Variants in MYO1B observed in about 807,000 individuals in gnomAD.
MYO1B encodes myosin IB, also known as unconventional myosin-Ib.
Under a neutral mutation model 159.7 loss-of-function variants are expected in MYO1B, and 72 were observed. That is an observed-to-expected ratio of 0.45 (90% CI 0.37 to 0.55). MYO1B has a LOEUF of 0.55. Ranked by LOEUF, MYO1B falls within the 20% of genes least tolerant of loss-of-function variation. The pLI, the probability that MYO1B is intolerant of heterozygous loss-of-function variation, is 0.00. For missense variants in MYO1B, 1,062 were observed against 1,364.8 expected (o/e 0.78, Z 3.50); for synonymous variants, 468 against 473.8 (o/e 0.99, Z 0.16).
chr2:191,373,411 G>T (rs1694500302), intron 13 of MYO1B, among the ~76,000 whole-genome samples: 1 of 152,170 alleles, frequency 6.6e-6, no homozygotes, highest in Non-Finnish European at 1.5e-5. Flanking sequence ...GGAGTAAACT[G>T]CAGATTCCAA....
At chr2:191,345,199 G>C (rs1444366241) in intron 5 of MYO1B, among the ~76,000 whole-genome samples, 4 of 152,128 alleles carry the variant, frequency 2.6e-5, no homozygotes, top group African/African-American at 4.8e-5. Flanking sequence ...TGGTAGAAAC[G>C]GAGGATCTCA....
At chr2:191,332,291 C>T (rs1374921388) in intron 4 of MYO1B, among the ~76,000 whole-genome samples, 1 of 151,938 alleles carries the variant, frequency 6.6e-6, no homozygotes, top group East Asian at 1.9e-4. Context: ...GGACTCTGAG[C>T]TTCTATTAAT....
chr2:191,313,804 C>G (rs1690179292), intron 3 of MYO1B, among the ~76,000 whole-genome samples: 1 of 152,138 alleles, frequency 6.6e-6, no homozygotes, highest in African/African-American at 2.4e-5. Context: ...CAGATGTGAT[C>G]CACTGTGCCA....
intron 30 of MYO1B, among the ~76,000 whole-genome samples, chr2:191,421,315 C>T (rs1305297963): frequency 1.3e-5 from 2 of 152,026 alleles, no homozygotes; most frequent in Non-Finnish European, 2.9e-5. Context: ...GGTGATCCGA[C>T]CACCTCAGCT....
chr2:191,321,594 C>A (rs1690716868), intron 3 of MYO1B, among the ~76,000 whole-genome samples: 1 of 152,040 alleles, frequency 6.6e-6, no homozygotes, highest in South Asian at 2.1e-4. Flanking sequence ...TTCTTTTCTC[C>A]AAATCAATGT....
chr2:191,247,749 G>T (rs568093781), intron 1 of MYO1B, among the ~76,000 whole-genome samples: 1 of 152,342 alleles, frequency 6.6e-6, no homozygotes, highest in Admixed American at 6.5e-5. Flanking sequence ...TTAACAAAAT[G>T]TAAAGCATCT....
chr2:191,263,971 G>T (rs1267384234), intron 1 of MYO1B, among the ~76,000 whole-genome samples: 2 of 152,136 alleles, frequency 1.3e-5, no homozygotes, highest in South Asian at 4.1e-4. Flanking sequence ...TTTGTTTGTA[G>T]TGTCTTTTGT....
At chr2:191,302,994 A>G (rs1273205315) in intron 3 of MYO1B, among the ~76,000 whole-genome samples, 1 of 152,158 alleles carries the variant, frequency 6.6e-6, no homozygotes, top group East Asian at 1.9e-4. Context: ...TGATGTTGCT[A>G]TAATGCTTGT....
chr2:191,360,147 T>C (rs920238236), intron 7 of MYO1B, among the ~76,000 whole-genome samples: 4 of 152,208 alleles, frequency 2.6e-5, no homozygotes, highest in Non-Finnish European at 5.9e-5. Flanking sequence ...GGACTATCAG[T>C]GTTTTCAACT....
intron 7 of MYO1B, among the ~76,000 whole-genome samples, chr2:191,351,381 G>C (rs914684647): frequency 6.6e-6 from 1 of 152,036 alleles, no homozygotes; most frequent in African/African-American, 2.4e-5. Flanking sequence ...ATGCCACTGA[G>C]ATCTTCCTGA....
At position 191,296,648 on chromosome 2, in the gene MYO1B, T is replaced by C. The variant is rs1157026592; in HGVS notation, c.251+422T>C. Among the ~76,000 whole-genome samples the C allele has an allele frequency of 2.6e-5, 4 of 152,190 alleles. No homozygotes were observed. The South Asian group carries it at 6.2e-4, about 24-fold the overall frequency. On this transcript the variant is annotated intron_variant, in intron 3 of 30. Coordinates refer to ENST00000392318, the MANE Select transcript of MYO1B (RefSeq NM_001130158.3). Reference sequence around the variant, plus strand: ...AAAAGGACCAAACAATACCTTCAGTTTGTAATTTTTGCAGACAATGTTCAC... The same window carrying C: ...AAAAGGACCAAACAATACCTTCAGTCTGTAATTTTTGCAGACAATGTTCAC...
intron 26 of MYO1B, among the ~76,000 whole-genome samples, chr2:191,409,649 C>CT (rs35717250): frequency 1.3e-5 from 2 of 152,238 alleles, no homozygotes; most frequent in East Asian, 3.9e-4. Context: ...GGAAAAAAGG[C>CT]TTTTTCCTGT....
At chr2:191,313,139 C>T (rs1314396146) in intron 3 of MYO1B, among the ~76,000 whole-genome samples, 1 of 140,170 alleles carries the variant, frequency 7.1e-6, no homozygotes, top group Non-Finnish European at 1.5e-5. Context: ...AAAATGGTTA[C>T]TCAGATATCC....
At chr2:191,368,882 G>A (rs1056096119) in intron 11 of MYO1B, among the ~76,000 whole-genome samples, 2 of 152,126 alleles carry the variant, frequency 1.3e-5, no homozygotes, top group Admixed American at 6.5e-5. Flanking sequence ...GCTGAGGCAC[G>A]AAAATCCCTT....
At chr2:191,415,907 TTAGG>T (rs1697534807) in intron 29 of MYO1B, among the ~76,000 whole-genome samples, 1 of 152,212 alleles carries the variant, frequency 6.6e-6, no homozygotes. Flanking sequence ...TCCACCGACT[TTAGG>T]TAGAAGGGGA....
chr2:191,378,271 A>G (rs1313087435), intron 13 of MYO1B, among the ~76,000 whole-genome samples: 1 of 151,330 alleles, frequency 6.6e-6, no homozygotes, highest in Non-Finnish European at 1.5e-5. Context: ...GATACATGTC[A>G]TGCATGTTTT....
At chr2:191,378,862 G>A (rs1694874770) in intron 13 of MYO1B, among the ~76,000 whole-genome samples, 1 of 152,140 alleles carries the variant, frequency 6.6e-6, no homozygotes, top group African/African-American at 2.4e-5. Context: ...ATATTGTGGG[G>A]TTGTTAGAAG....
chr2:191,310,694 G>A (rs1224592143), intron 3 of MYO1B, among the ~76,000 whole-genome samples: 1 of 152,170 alleles, frequency 6.6e-6, no homozygotes, highest in Non-Finnish European at 1.5e-5. Context: ...TGGGAAGACT[G>A]AAGGATTATG....
chr2:191,351,239 A>G (rs1162093143), intron 7 of MYO1B, among the ~76,000 whole-genome samples: 2 of 151,614 alleles, frequency 1.3e-5, no homozygotes, highest in Admixed American at 6.6e-5. Context: ...GTGCTCATTT[A>G]TTTTTCTTAT....
Sources: allele counts gnomAD v4.1 joint callset (sites outside exome capture counted in the v4.1 genomes callset), GRCh38; gene constraint gnomAD v4.1.1; transcripts MANE v1.5; gene names NCBI Gene and HGNC (gene_info 2026-07-23, HGNC 2026-07-21).